OPHN1: variants seen among roughly 807,000 people sequenced by gnomAD.
OPHN1 encodes oligophrenin 1.
Under a neutral mutation model 60.7 loss-of-function variants are expected in OPHN1, and 11 were observed. The ratio of observed to expected loss-of-function variants is 0.18; its 90% CI spans 0.11 to 0.30. The LOEUF (loss-of-function observed/expected upper bound fraction) is 0.30, where lower values mean the gene tolerates loss of function less well. OPHN1 is among the 10% of genes least tolerant of loss of function. OPHN1 has a pLI of 1.00. For synonymous variants in OPHN1, 226 were observed against 222.6 expected (o/e 1.02, Z -0.14); for missense variants, 449 against 611.0 (o/e 0.73, Z 2.80).
intron 2 of OPHN1, among the ~76,000 whole-genome samples, chrX:68,341,129 C>A (rs1231431982): frequency 2.8e-5 from 3 of 107,856 alleles, no homozygotes; most frequent in African/African-American, 1.0e-4. Context: ...CATTGTGCAA[C>A]CCATAATTAA....
At chrX:68,136,103 G>A (rs1357994938) in intron 15 of OPHN1, among the ~76,000 whole-genome samples, 3 of 109,967 alleles carry the variant, frequency 2.7e-5, no homozygotes, top group African/African-American at 6.6e-5. Flanking sequence ...CTGTCCAATA[G>A]GGCCACTACT....
intron 6 of OPHN1, among the ~76,000 whole-genome samples, chrX:68,218,492 T>C (rs1170812649): frequency 9.5e-6 from 1 of 105,663 alleles, no homozygotes; most frequent in Non-Finnish European, 2.0e-5. Flanking sequence ...TTCACCAAAG[T>C]TGAAATGAAG....
chrX:68,184,815 T>G (rs781556704), intron 15 of OPHN1, among the ~76,000 whole-genome samples: 3 of 110,935 alleles, frequency 2.7e-5, no homozygotes, highest in African/African-American at 9.8e-5. Flanking sequence ...AGGCTGGTCT[T>G]GAACTCCTGA....
intron 2 of OPHN1, among the ~76,000 whole-genome samples, chrX:68,378,565 G>A (rs1471581889): frequency 9.0e-6 from 1 of 111,680 alleles, no homozygotes; most frequent in Non-Finnish European, 1.9e-5. Context: ...TACGGTTTTA[G>A]GTCTAATGTT....
At chrX:68,432,647 T>G (rs2078891233) in intron 2 of OPHN1, among the ~76,000 whole-genome samples, 1 of 111,630 alleles carries the variant, frequency 9.0e-6, no homozygotes, top group Admixed American at 9.6e-5. Flanking sequence ...GGATCACGTC[T>G]TATAAGGTCA....
At chrX:68,424,197 A>G (rs1485738440) in intron 2 of OPHN1, among the ~76,000 whole-genome samples, 1 of 18,879 alleles carries the variant, frequency 5.3e-5, no homozygotes, top group Non-Finnish European at 5.5e-4. Flanking sequence ...AATAAAAATA[A>G]AAAAAAAATC....
chrX:68,261,827 G>T (rs980672622), intron 5 of OPHN1, among the ~76,000 whole-genome samples: 3 of 111,493 alleles, frequency 2.7e-5, no homozygotes, highest in Non-Finnish European at 5.6e-5. Context: ...ATCCTGGATT[G>T]TCCACTTCTT....
At chrX:68,429,409 G>A (rs888679726) in intron 2 of OPHN1, among the ~76,000 whole-genome samples, 2 of 110,844 alleles carry the variant, frequency 1.8e-5, no homozygotes, top group African/African-American at 3.3e-5. Flanking sequence ...TCGGGCAACA[G>A]AGCATGACTC....
chrX:68,162,267 C>T (rs911926343), intron 15 of OPHN1, among the ~76,000 whole-genome samples: 2 of 110,497 alleles, frequency 1.8e-5, no homozygotes, highest in African/African-American at 3.3e-5. Context: ...ATGCAGGAGG[C>T]TTTCAAGCTA....
intron 15 of OPHN1, among the ~76,000 whole-genome samples, chrX:68,163,649 T>C (rs897519170): frequency 9.0e-6 from 1 of 111,467 alleles, no homozygotes; most frequent in Non-Finnish European, 1.9e-5. Context: ...TTAATTTCTT[T>C]AGAAATGTTC....
At chrX:68,425,414 C>T (rs1284464993) in intron 2 of OPHN1, among the ~76,000 whole-genome samples, 1 of 111,933 alleles carries the variant, frequency 8.9e-6, no homozygotes, top group Non-Finnish European at 1.9e-5. Context: ...CAGAAAGAAC[C>T]GTAAATATTA....
At chrX:68,195,019 G>A (rs1179851562) in intron 12 of OPHN1, among the ~76,000 whole-genome samples, 1,234 of 77,741 alleles carry the variant, frequency 0.016, 49 homozygotes, top group African/African-American at 0.07. Context: ...AGGAAGGAAG[G>A]AAGGAAGGAA....
chrX:68,341,035 C>A (rs1350136533), intron 2 of OPHN1, among the ~76,000 whole-genome samples: 4 of 107,974 alleles, frequency 3.7e-5, no homozygotes, highest in Non-Finnish European at 3.8e-5. Context: ...AGAACCACCA[C>A]CATGTGGCCT....
chrX:68,414,416 C>G (rs2078784086), intron 2 of OPHN1, among the ~76,000 whole-genome samples: 1 of 111,513 alleles, frequency 9.0e-6, no homozygotes, highest in African/African-American at 3.3e-5. Flanking sequence ...TTTCTCTTCT[C>G]TTTGTGAAGT....
At chrX:68,372,522 C>T (rs748585140) in intron 2 of OPHN1, among the ~76,000 whole-genome samples, 2 of 111,279 alleles carry the variant, frequency 1.8e-5, no homozygotes, top group Non-Finnish European at 3.8e-5. Flanking sequence ...AATAATAATC[C>T]CTGTCCTATC....
intron 3 of OPHN1, among the ~76,000 whole-genome samples, chrX:68,294,440 T>C (rs1484380999): frequency 1.2e-5 from 1 of 81,394 alleles, no homozygotes; most frequent in Non-Finnish European, 2.2e-5. Context: ...GCCACTGCAC[T>C]CCAGCCTGGG....
At chrX:68,261,265 T>C (rs1451523753) in intron 5 of OPHN1, among the ~76,000 whole-genome samples, 1 of 111,418 alleles carries the variant, frequency 9.0e-6, no homozygotes, top group African/African-American at 3.3e-5. Context: ...ACTGAAAACA[T>C]CATACTGTGG....
chrX:68,344,655 G>A (rs988456323), intron 2 of OPHN1, among the ~76,000 whole-genome samples: 6 of 110,540 alleles, frequency 5.4e-5, no homozygotes, highest in Non-Finnish European at 9.4e-5. Context: ...AGGGAGGAGC[G>A]CTTGAACCCA....
At chrX:68,313,288 C>G (rs1278149732) in intron 2 of OPHN1, among the ~76,000 whole-genome samples, 1 of 110,971 alleles carries the variant, frequency 9.0e-6, no homozygotes, top group Non-Finnish European at 1.9e-5. Context: ...AAAAATTGAG[C>G]TGCCGTATGA....
Sources: allele counts gnomAD v4.1 joint callset (sites outside exome capture counted in the v4.1 genomes callset), GRCh38; gene constraint gnomAD v4.1.1; transcripts MANE v1.5; gene names NCBI Gene and HGNC (gene_info 2026-07-23, HGNC 2026-07-21).